The following CCDC170 variants were observed in gnomAD, a reference collection of about 807,000 sequenced individuals.
CCDC170 encodes coiled-coil domain containing 170.
A neutral mutation model predicts 72.6 loss-of-function variants in CCDC170; 69 were observed. The ratio of observed to expected loss-of-function variants is 0.95; its 90% confidence interval spans 0.78 to 1.16. CCDC170 has a LOEUF of 1.16. Ranked by LOEUF, CCDC170 falls within the 50% of genes most tolerant of loss-of-function variation. The probability of loss-of-function intolerance (pLI) is 0.00; values close to 1 mark genes in which losing one functional copy is unlikely to be tolerated. For missense variants in CCDC170, 852 were observed against 832.5 expected, an observed-to-expected ratio of 1.02 and a Z score of -0.29; for synonymous variants, 300 against 303.9, an observed-to-expected ratio of 0.99 and a Z score of 0.13.
At chr6:151,561,712 A>C (rs1045953797) in intron 5 of CCDC170, among the ~76,000 whole-genome samples, 1 of 152,108 alleles carries the variant, frequency 6.6e-6, no homozygotes, top group African/African-American at 2.4e-5. Context: ...CTTGTATACT[A>C]TCTCATAGGA....
chr6:151,580,840 C>G (rs752699699), intron 6 of CCDC170, among the ~76,000 whole-genome samples: 2 of 152,028 alleles, frequency 1.3e-5, no homozygotes, highest in Admixed American at 6.6e-5. Flanking sequence ...GAGACCACTG[C>G]GACAAAGCAA....
At chr6:151,509,171 T>G (rs1199617410) in intron 1 of CCDC170, among the ~76,000 whole-genome samples, 1 of 151,728 alleles carries the variant, frequency 6.6e-6, no homozygotes, top group Non-Finnish European at 1.5e-5. Flanking sequence ...GATCTCTTTC[T>G]CTCTCTCTCT....
At chr6:151,612,339 G>A (rs898917392) in intron 9 of CCDC170, among the ~76,000 whole-genome samples, 15 of 152,180 alleles carry the variant, frequency 9.9e-5, no homozygotes, top group Admixed American at 8.5e-4. Context: ...TGTCATCAAC[G>A]TAAGTCATAG....
rs375623063 is a variant in CCDC170 at position 151,596,457 on chromosome 6, C to T, written c.1590C>T (p.Asn530=). 4.3e-5 allele frequency: 70 copies of T among 1,614,008 alleles called. 1 individual carries two copies. The highest frequency in any genetic ancestry group is 6.7e-5 in the East Asian group (3 of 44,874). The change falls in exon 9 of 11, where the codon AAC becomes AAT. Residue 530 remains asparagine, a synonymous_variant. Transcript: ENST00000239374. ...ARTALVVERD[N]AHLTIRNLQK... is the part of the protein sequence containing the mutation. ...CGGCCTTGGTGGTTGAGAGGGACAA[C>T]GCGCATCTTACCATCAGGAACTTGC...
chr6:151,538,187 A>G lies in CCDC170; in HGVS notation c.329A>G (p.Glu110Gly), dbSNP rs774014441. ...AGAGACAGAGTTCAGGAACTAGAAG[A>G]AGAATCAGCAGCACTTTCCACTTCT... ...SLRDRVQELE[E>G]ESAALSTSKI... The change falls in exon 3 of 11, where the codon GAA (glutamate) becomes GGA (glycine). Residue 110 changes from glutamate to glycine, a missense_variant. Coordinates refer to ENST00000239374, the MANE Select transcript of CCDC170 (RefSeq NM_025059.4). 6 of 1,614,056 alleles carry G rather than the reference A, an allele frequency of 3.7e-6. No homozygotes were observed. In the Admixed American group the frequency reaches 8.3e-5, roughly 22 times the overall value.
intron 1 of CCDC170, among the ~76,000 whole-genome samples, chr6:151,530,153 A>G (rs1038960618): frequency 2.6e-5 from 4 of 151,782 alleles, no homozygotes; most frequent in Non-Finnish European, 5.9e-5. Context: ...TTTGAACTCT[A>G]GTTGTTTTAA....
At chr6:151,549,976 A>G (rs1017950114) in intron 5 of CCDC170, among the ~76,000 whole-genome samples, 2 of 152,010 alleles carry the variant, frequency 1.3e-5, no homozygotes, top group Non-Finnish European at 2.9e-5. Context: ...TCGCTGGGCC[A>G]AAGGACATGG....
Position 151,615,436 on chromosome 6 carries a change from T to C in CCDC170, c.1711-7T>C, listed in dbSNP as rs547606789. The C allele has an allele frequency of 1.3e-6, 2 of 1,596,276 alleles. No homozygotes were observed. Among genetic ancestry groups the C allele is most frequent in the African/African-American group, 2.7e-5 (2 of 74,448 alleles). Reference sequence around the variant, plus strand: ...AAGGAGTTATCAGCATTCTCTTGACTTTCTAGATTAAAACTTTGGAACAGA... The same window carrying C: ...AAGGAGTTATCAGCATTCTCTTGACCTTCTAGATTAAAACTTTGGAACAGA... On this transcript the variant is annotated splice_region_variant and splice_polypyrimidine_tract_variant and intron_variant, in intron 9 of 10. Transcript: ENST00000239374.
intron 1 of CCDC170, among the ~76,000 whole-genome samples, chr6:151,527,672 G>C (rs921956626): frequency 6.6e-6 from 1 of 152,056 alleles, no homozygotes; most frequent in Non-Finnish European, 1.5e-5. Flanking sequence ...GGGGGCGTGG[G>C]GAGAAAGAGA....
At chr6:151,607,205 T>C (rs1266684737) in intron 9 of CCDC170, among the ~76,000 whole-genome samples, 5 of 152,126 alleles carry the variant, frequency 3.3e-5, no homozygotes, top group African/African-American at 1.2e-4. Flanking sequence ...AGTGTGGGTC[T>C]ACGGGGGTTG....
At chr6:151,615,158 A>G (rs1294068793) in intron 9 of CCDC170, among the ~76,000 whole-genome samples, 1 of 152,198 alleles carries the variant, frequency 6.6e-6, no homozygotes, top group African/African-American at 2.4e-5. Flanking sequence ...ACATACCAGC[A>G]GGCTTAATTT....
At chr6:151,526,802 C>A (rs1782417861) in intron 1 of CCDC170, among the ~76,000 whole-genome samples, 1 of 152,064 alleles carries the variant, frequency 6.6e-6, no homozygotes, top group Non-Finnish European at 1.5e-5. Flanking sequence ...GCAGCCCCTG[C>A]CCACTCAATG....
At chr6:151,497,974 A>AG in intron 1 of CCDC170, among the ~76,000 whole-genome samples, 1 of 151,174 alleles carries the variant, frequency 6.6e-6, no homozygotes. Flanking sequence ...AAAAAAAAAA[A>AG]AGAAAAGTGA....
In CCDC170 at chr6:151,536,403, A is replaced by G; in HGVS notation, c.143A>G (p.Glu48Gly). The G allele has an allele frequency of 1.2e-6, 2 of 1,614,146 alleles. No homozygotes were observed. The highest frequency in any genetic ancestry group is 1.7e-6 in the Non-Finnish European group (2 of 1,180,004). Residue 48 changes from glutamate to glycine, a missense_variant, in exon 2 of 11, where the codon GAA becomes GGA. By Grantham distance (98) the Glu-to-Gly change is moderately conservative. Transcript: ENST00000239374. ...YRNVAQNARS[E>G]LAATLVKFEC... is the part of the protein sequence containing the mutation. ...AATGTGGCTCAAAATGCTCGAAGTG[A>G]ACTTGCAGCAACTTTGGTCAAATTT... is the stretch of plus-strand genomic sequence containing the variant.
rs144560000 is a variant in CCDC170, at chr6:151,523,640, T to A, written c.58-12678T>A. Among the ~76,000 whole-genome samples the A allele has an allele frequency of 6.0e-3, 907 of 151,722 alleles. 15 individuals carry two copies. Among genetic ancestry groups the A allele is most frequent in the African/African-American group, 0.021 (871 of 41,308 alleles). ...GGTGGAGGTTGCAGTGAGCTGAGAT[T>A]GTGCTGTTGTACTACAGCCTGGGTG... On this transcript the variant is annotated intron_variant, in intron 1 of 10. Coordinates refer to ENST00000239374, the MANE Select transcript of CCDC170 (RefSeq NM_025059.4).
chr6:151,554,757 C>A (rs970257141), intron 5 of CCDC170, among the ~76,000 whole-genome samples: 2 of 151,794 alleles, frequency 1.3e-5, no homozygotes, highest in African/African-American at 2.4e-5. Context: ...AGAGACACTG[C>A]GCAGAGCGGT....
chr6:151,494,244 G>C (rs1394310881), intron 1 of CCDC170, 59 bp downstream of exon 1: 3 of 1,430,200 alleles, frequency 2.1e-6, no homozygotes, highest in African/African-American at 1.5e-5. Flanking sequence ...CGACCCAGGA[G>C]GGGCCGAGGC....
At chr6:151,595,032 C>G (rs1776599585) in intron 8 of CCDC170, among the ~76,000 whole-genome samples, 1 of 152,148 alleles carries the variant, frequency 6.6e-6, no homozygotes, top group African/African-American at 2.4e-5. Context: ...CAAAAATGAT[C>G]TGGGTATGGA....
intron 6 of CCDC170, among the ~76,000 whole-genome samples, chr6:151,582,986 CTTTTTTTTTTT>C (rs35947074): frequency 2.1e-5 from 2 of 94,234 alleles, no homozygotes; most frequent in Non-Finnish European, 3.8e-5. Flanking sequence ...TGGAGTAGCA[CTTTTTTTTTTT>C]TTTTTTTTTT....
Sources: allele counts gnomAD v4.1 joint callset (sites outside exome capture counted in the v4.1 genomes callset), GRCh38; gene constraint gnomAD v4.1.1; transcripts MANE v1.5; gene names NCBI Gene and HGNC (gene_info 2026-07-23, HGNC 2026-07-21).